Variants in CNTNAP2 observed in about 807,000 individuals in gnomAD.
The protein encoded by CNTNAP2 is contactin associated protein 2.
Under a neutral mutation model 155.2 loss-of-function variants are expected in CNTNAP2, and 98 were observed. That is an observed-to-expected ratio of 0.63 (90% CI 0.54 to 0.75). The LOEUF is 0.75. CNTNAP2 is among the 30% of genes least tolerant of loss of function. The pLI is 0.00. For missense variants in CNTNAP2, 1,727 were observed against 1,688.1 expected, an observed-to-expected ratio of 1.02 and a Z score of -0.40; for synonymous variants, 651 against 631.2, an observed-to-expected ratio of 1.03 and a Z score of -0.47.
At chr7:147,666,230 CTTTG>C (rs1006435029) in intron 13 of CNTNAP2, among the ~76,000 whole-genome samples, 9 of 152,120 alleles carry the variant, frequency 5.9e-5, no homozygotes, top group Non-Finnish European at 8.8e-5. Flanking sequence ...TAGACCTTTC[CTTTG>C]TTTGTGCTTT....
chr7:147,969,697 A>G (rs920062818), intron 14 of CNTNAP2, among the ~76,000 whole-genome samples: 3 of 152,212 alleles, frequency 2.0e-5, no homozygotes, highest in Admixed American at 2.0e-4. Flanking sequence ...AATACAATAA[A>G]CTAAAAATTC....
At chr7:148,281,264 GTAGAT>G (rs1416433196) in intron 21 of CNTNAP2, among the ~76,000 whole-genome samples, 1 of 152,198 alleles carries the variant, frequency 6.6e-6, no homozygotes, top group Non-Finnish European at 1.5e-5. Flanking sequence ...AGAAAATGGG[GTAGAT>G]TAAACTGCCT....
intron 8 of CNTNAP2, among the ~76,000 whole-genome samples, chr7:147,200,191 A>G (rs552684256): frequency 6.6e-6 from 1 of 152,226 alleles, no homozygotes; most frequent in East Asian, 1.9e-4. Context: ...AGAAAAAAAA[A>G]TAGTAAATGA....
intron 15 of CNTNAP2, among the ~76,000 whole-genome samples, chr7:148,057,983 A>G (rs557345295): frequency 1.8e-4 from 26 of 145,236 alleles, no homozygotes; most frequent in African/African-American, 6.2e-4. Flanking sequence ...TATTATTATT[A>G]TTATTGTTAT....
At position 147,924,017 on chromosome 7, in the gene CNTNAP2, G is replaced by T. The variant is rs1585030960; in HGVS notation, c.2255+20296G>T. 2.0e-5 allele frequency among the ~76,000 whole-genome samples: 3 copies of T among 152,340 alleles called. No homozygotes were observed. The East Asian group carries it at 5.8e-4, about 29-fold the overall frequency. Reference sequence around the variant, plus strand: ...CAGAGATGGCCATTCCCCTCTGCCAGCACATTCCTAATGTGGTGCCAGTCT... The same window carrying T: ...CAGAGATGGCCATTCCCCTCTGCCATCACATTCCTAATGTGGTGCCAGTCT... On this transcript the variant is annotated intron_variant, in intron 14 of 23. Coordinates refer to ENST00000361727, the MANE Select transcript of CNTNAP2 (RefSeq NM_014141.6).
intron 13 of CNTNAP2, among the ~76,000 whole-genome samples, chr7:147,849,294 T>G (rs1173966770): frequency 1.3e-5 from 2 of 152,248 alleles, no homozygotes; most frequent in South Asian, 2.1e-4. Context: ...TGAATGTTAA[T>G]ATACCAACAG....
intron 8 of CNTNAP2, among the ~76,000 whole-genome samples, chr7:147,289,927 T>C (rs771621572): frequency 1.3e-5 from 2 of 152,188 alleles, no homozygotes; most frequent in Non-Finnish European, 2.9e-5. Flanking sequence ...AATTTTAAAA[T>C]GAATAGCACC....
intron 1 of CNTNAP2, among the ~76,000 whole-genome samples, chr7:146,319,623 C>T (rs1017023629): frequency 2.0e-5 from 3 of 152,126 alleles, no homozygotes; most frequent in Admixed American, 6.5e-5. Flanking sequence ...CCAGGCTTGA[C>T]GTATGGATGC....
intron 8 of CNTNAP2, among the ~76,000 whole-genome samples, chr7:147,212,944 T>G (rs182872795): frequency 1.7e-4 from 26 of 152,240 alleles, no homozygotes; most frequent in Non-Finnish European, 3.1e-4. Context: ...GATGTTAAAT[T>G]AATAATCTCT....
chr7:146,783,079 G>A (rs1345846412), intron 2 of CNTNAP2, among the ~76,000 whole-genome samples: 1 of 152,000 alleles, frequency 6.6e-6, no homozygotes, highest in African/African-American at 2.4e-5. Context: ...TATTCTGCAG[G>A]ACTTTTCACC....
At chr7:146,295,657 C>T (rs1188641344) in intron 1 of CNTNAP2, among the ~76,000 whole-genome samples, 1 of 151,786 alleles carries the variant, frequency 6.6e-6, no homozygotes, top group African/African-American at 2.4e-5. Context: ...AGGACAATAA[C>T]ATTTTGCCTA....
At chr7:146,487,264 A>G (rs545110802) in intron 1 of CNTNAP2, among the ~76,000 whole-genome samples, 1 of 152,236 alleles carries the variant, frequency 6.6e-6, no homozygotes, top group African/African-American at 2.4e-5. Flanking sequence ...TAGGAATGTT[A>G]TACTAATGCC....
intron 14 of CNTNAP2, among the ~76,000 whole-genome samples, chr7:147,963,644 G>T (rs7795880): frequency 8.5e-4 from 130 of 152,188 alleles, no homozygotes; most frequent in African/African-American, 3.0e-3. Flanking sequence ...ACCCAGACAC[G>T]CGAAATGCTG....
chr7:147,797,400 A>G (rs1375756860), intron 13 of CNTNAP2, among the ~76,000 whole-genome samples: 1 of 152,016 alleles, frequency 6.6e-6, no homozygotes, highest in Non-Finnish European at 1.5e-5. Context: ...TTGACCATCA[A>G]TGAAAAAAAA....
chr7:147,875,169 C>T (rs535502832), intron 13 of CNTNAP2, among the ~76,000 whole-genome samples: 5 of 152,288 alleles, frequency 3.3e-5, no homozygotes, highest in African/African-American at 9.6e-5. Flanking sequence ...TACACCATTT[C>T]CCGGTACCAA....
chr7:147,432,145 G>T (rs943155090), intron 10 of CNTNAP2, among the ~76,000 whole-genome samples: 2 of 152,102 alleles, frequency 1.3e-5, no homozygotes, highest in Admixed American at 6.5e-5. Flanking sequence ...CTTTAGAACC[G>T]AGTTTCTTAA....
At chr7:147,190,622 C>A (rs76733308) in intron 8 of CNTNAP2, among the ~76,000 whole-genome samples, 136 of 152,138 alleles carry the variant, frequency 8.9e-4, no homozygotes, top group African/African-American at 3.0e-3. Flanking sequence ...GCTGGATATA[C>A]CGATGTGCAT....
In CNTNAP2 at chr7:146,807,230, A is replaced by G. The variant is rs1442698892; in HGVS notation, c.209-32481A>G. Among the ~76,000 whole-genome samples the G allele has an allele frequency of 2.0e-5, 3 of 152,324 alleles. No individual in the cohort carries two copies. The East Asian group carries it at 5.8e-4, about 29-fold the overall frequency. ...GTATTTTTAAAATTTTTGTACATCA[A>G]ATTAGAATCTTACAGTTTAACTGTA... is the stretch of plus-strand genomic sequence containing the variant. On this transcript the variant is annotated intron_variant, in intron 2 of 23. Transcript: ENST00000361727.
At chr7:146,325,355 A>G (rs955556123) in intron 1 of CNTNAP2, among the ~76,000 whole-genome samples, 14 of 152,206 alleles carry the variant, frequency 9.2e-5, no homozygotes, top group African/African-American at 3.4e-4. Context: ...TAAAAAAGTC[A>G]TATTTCTGAC....
Sources: gnomAD v4.1 joint callset for allele counts (sites outside exome capture counted in the v4.1 genomes callset) on GRCh38, gnomAD v4.1.1 for gene constraint, MANE v1.5 for transcripts, NCBI Gene and HGNC (gene_info 2026-07-23, HGNC 2026-07-21) for gene names.